EVC2: variants seen among roughly 807,000 people sequenced by gnomAD.
The protein encoded by EVC2 is EvC ciliary complex subunit 2.
In EVC2, 148 loss-of-function variants were observed where a neutral mutation model predicts 149.3. That is an observed-to-expected ratio of 0.99 (90% CI 0.87 to 1.14). The LOEUF (loss-of-function observed/expected upper bound fraction) is 1.14. Ranked by LOEUF, EVC2 falls within the 50% of genes most tolerant of loss-of-function variation. The pLI is 0.00. For missense variants in EVC2, 1,854 were observed against 1,627.3 expected (o/e 1.14, Z -2.40); for synonymous variants, 776 against 649.9 (o/e 1.19, Z -2.95).
chr4:5,680,878 CAGA>C (rs1720291536), intron 7 of EVC2, among the ~76,000 whole-genome samples: 1 of 149,818 alleles, frequency 6.7e-6, no homozygotes, highest in Non-Finnish European at 1.5e-5. Context: ...TGGTGAAGAG[CAGA>C]AGCAGAGAGA....
intron 3 of EVC2, 92 bp from the exon 4 acceptor site, chr4:5,691,425 G>A: frequency 2.9e-6 from 3 of 1,048,744 alleles, no homozygotes; most frequent in South Asian, 1.4e-5. Context: ...TTTTTACAGA[G>A]GGTAGAAAGA....
intron 16 of EVC2, among the ~76,000 whole-genome samples, chr4:5,586,193 T>C (rs1221556269): frequency 6.6e-6 from 1 of 152,166 alleles, no homozygotes; most frequent in Non-Finnish European, 1.5e-5. Context: ...AATACTTATT[T>C]TGAGATTTAC....
chr4:5,590,927 C>T lies in EVC2; in HGVS notation c.2830-6077G>A, dbSNP rs146240804. On this transcript the variant is annotated intron_variant, in intron 16 of 21. Transcript: ENST00000344408. ...CATGGCAGCAGCAAGAAGTGCCAAG[C>T]AAAAGGGGGAAAAGCCCCTTACAAA... Among the ~76,000 whole-genome samples the T allele has an allele frequency of 8.3e-3, 1,266 of 152,224 alleles. 16 individuals are homozygous for T. The highest frequency in any genetic ancestry group is 0.028 in the African/African-American group (1,158 of 41,548).
In EVC2 at chr4:5,613,893, T is replaced by G. The variant is rs1257039796; in HGVS notation, c.2829+1529A>C. Among the ~76,000 whole-genome samples, 1 of 152,172 alleles carries G rather than the reference T, an allele frequency of 6.6e-6. No homozygotes were observed. The highest frequency in any genetic ancestry group is 1.5e-5 in the Non-Finnish European group (1 of 68,036). On this transcript the variant is annotated intron_variant, in intron 16 of 21. Coordinates refer to ENST00000344408, the MANE Select transcript of EVC2 (RefSeq NM_147127.5). This position sits in a 1 kb window ranked among gnomAD's most constrained non-coding sequence, Gnocchi z 4.6. ...CCTGGACACACCTGATGGGAGACAC[T>G]GAGCCCAGAGCAGTTTCTATGGCTC...
At chr4:5,530,696 C>A in the EVC2 span, among the ~76,000 whole-genome samples, 2 of 152,172 alleles carry the variant, frequency 1.3e-5, no homozygotes, top group East Asian at 3.8e-4. Flanking sequence ...TTTTTCAATT[C>A]CTGAATTTGC....
At chr4:5,566,107 A>G (rs1271716520) in intron 20 of EVC2, among the ~76,000 whole-genome samples, 1 of 152,244 alleles carries the variant, frequency 6.6e-6, no homozygotes, top group Non-Finnish European at 1.5e-5. Flanking sequence ...ATATACAAAT[A>G]CAGAAGTTGG....
At chr4:5,577,533 T>C (rs1723004982) in intron 17 of EVC2, among the ~76,000 whole-genome samples, 1 of 152,140 alleles carries the variant, frequency 6.6e-6, no homozygotes, top group Non-Finnish European at 1.5e-5. Flanking sequence ...TCCTTGATCC[T>C]CCTAAATAGG....
chr4:5,571,042 G>A (rs942139637), intron 19 of EVC2, among the ~76,000 whole-genome samples: 19 of 152,198 alleles, frequency 1.2e-4, no homozygotes, highest in African/African-American at 4.1e-4. Context: ...TGGGCCGGGC[G>A]TCGTGGCTCA....
intron 16 of EVC2, among the ~76,000 whole-genome samples, chr4:5,595,383 T>C (rs952967029): frequency 2.0e-5 from 3 of 152,180 alleles, no homozygotes; most frequent in Non-Finnish European, 4.4e-5. Context: ...GCAGAAACTC[T>C]ACAAGCCAGA....
At position 5,562,565 on chromosome 4, in the gene EVC2, G is replaced by C. The variant is rs1722020528; in HGVS notation, c.*283C>G. ...ACCATAGCTTCTGCAGCAGAGGATG[G>C]GGTGTGGATTGCAGGGTGGGGGTCT... On this transcript the variant is annotated 3_prime_UTR_variant, in exon 22 of 22. Transcript: ENST00000344408. The surrounding 1 kb of genome is among the most constrained non-coding windows in gnomAD (Gnocchi z 4.3). 7.5e-7 allele frequency: 1 copy of C among 1,332,172 alleles called. No individual in the cohort carries two copies. The allele number at this position is 1,332,172 out of a possible 1,614,324, so 82.5% of individuals were successfully genotyped here.
rs545856107 is a variant in EVC2, at chr4:5,584,831, C to A, written c.2849G>T (p.Arg950Leu). The A allele has an allele frequency of 6.2e-7, 1 of 1,614,152 alleles. No individual in the cohort carries two copies. Among genetic ancestry groups the A allele is most frequent in the Non-Finnish European group, 8.5e-7 (1 of 1,180,046 alleles). Residue 950 changes from arginine to leucine, a missense_variant, in exon 17 of 22, where the codon CGG becomes CTG. By Grantham distance (102) the Arg-to-Leu change is moderately radical. Transcript: ENST00000344408. ...LVEKVRGELL[R>L]ERVQRMEAQE... Reference sequence around the variant, plus strand: ...TGCCTCCATCCGCTGCACTCTCTCCCGCAGCAATTCACCTCGAACCTGGGA... The same window carrying A: ...TGCCTCCATCCGCTGCACTCTCTCCAGCAGCAATTCACCTCGAACCTGGGA...
chr4:5,640,936 A>G lies in EVC2; in HGVS notation c.1146-98T>C. 2 of 1,398,016 alleles carry G rather than the reference A, an allele frequency of 1.4e-6. No individual in the cohort carries two copies. The highest frequency in any genetic ancestry group is 2.3e-5 in the South Asian group (2 of 85,960). 86.6% of individuals were successfully genotyped at this position (1,398,016 alleles called of 1,614,324 possible). A position where few individuals can be genotyped will look rare whatever the true frequency, so the allele number is the denominator to read the frequency against. The stretch of plus-strand genomic sequence containing the variant: ...TGAGGTTTTCATTTATGTGTAGGCA[A>G]GGGCTTTCTTCGTCTTCCTTTTCTT... On this transcript the variant is annotated intron_variant, in intron 9 of 21. Coordinates refer to ENST00000344408, the MANE Select transcript of EVC2 (RefSeq NM_147127.5). This position sits in a 1 kb window ranked among gnomAD's most constrained non-coding sequence, Gnocchi z 4.6.
chr4:5,630,329 G>T (rs1032979245), intron 11 of EVC2, among the ~76,000 whole-genome samples: 2 of 152,176 alleles, frequency 1.3e-5, no homozygotes, highest in African/African-American at 4.8e-5. Context: ...TCTTGTCAGT[G>T]GTTGGGTGAA....
intron 17 of EVC2, among the ~76,000 whole-genome samples, chr4:5,579,607 C>A (rs1374064464): frequency 6.6e-6 from 1 of 152,080 alleles, no homozygotes; most frequent in Non-Finnish European, 1.5e-5. Flanking sequence ...TTTGGGAGGC[C>A]AAGGTGGGAG....
chr4:5,704,207 C>T (rs573122457), intron 1 of EVC2, among the ~76,000 whole-genome samples: 1 of 152,078 alleles, frequency 6.6e-6, no homozygotes, highest in Non-Finnish European at 1.5e-5. Flanking sequence ...CACAATAATC[C>T]CAGAGAGAAG....
At chr4:5,634,457 T>C (rs1026652593) in intron 10 of EVC2, among the ~76,000 whole-genome samples, 2 of 152,202 alleles carry the variant, frequency 1.3e-5, no homozygotes, top group African/African-American at 4.8e-5. Context: ...TCAATTTATT[T>C]TAATTAATAG....
chr4:5,708,107 C>A (rs914866437), intron 1 of EVC2, 179 bp downstream of exon 1: 22 of 501,518 alleles, frequency 4.4e-5, no homozygotes, highest in Non-Finnish European at 6.9e-5. Flanking sequence ...TCTCCAGTTT[C>A]CCTCGAAGCT....
intron 16 of EVC2, among the ~76,000 whole-genome samples, chr4:5,598,660 C>A (rs1713682969): frequency 6.6e-6 from 1 of 152,056 alleles, no homozygotes; most frequent in African/African-American, 2.4e-5. Flanking sequence ...TAGGCATGGG[C>A]AAGGACTTCA....
intron 19 of EVC2, among the ~76,000 whole-genome samples, chr4:5,571,317 C>CAAAAAAA (rs1208168465): frequency 2.5e-5 from 2 of 78,484 alleles, no homozygotes; most frequent in Admixed American, 1.8e-4. Context: ...GACTCCATCT[C>CAAAAAAA]AAAAAAAAAA....
Sources: allele counts gnomAD v4.1 joint callset (sites outside exome capture counted in the v4.1 genomes callset), GRCh38; gene constraint gnomAD v4.1.1; non-coding constraint Gnocchi (gnomAD v3.1); transcripts MANE v1.5; gene names NCBI Gene and HGNC (gene_info 2026-07-23, HGNC 2026-07-21).